Variants in SPSB1 observed in about 807,000 individuals in gnomAD.
The protein encoded by SPSB1 is SPRY domain-containing SOCS box protein 1.
SPSB1 carries 8 observed loss-of-function variants against 21.2 expected under a neutral mutation model. The ratio of observed to expected loss-of-function variants is 0.38; its 90% CI spans 0.22 to 0.68. The LOEUF (loss-of-function observed/expected upper bound fraction) is 0.68. SPSB1 is among the 30% of genes least tolerant of loss of function. The pLI, the probability that SPSB1 is intolerant of heterozygous loss-of-function variation, is 0.53. For missense variants in SPSB1, 242 were observed against 377.8 expected, an observed-to-expected ratio of 0.64 and a Z score of 2.98; for synonymous variants, 169 against 161.7, an observed-to-expected ratio of 1.05 and a Z score of -0.34.
rs747112283 is a variant in SPSB1, at chr1:9,356,674, A to G, written c.694+89A>G. On this transcript the variant is annotated intron_variant, in intron 2 of 2. Transcript: ENST00000328089. The surrounding 1 kb of genome is among the most constrained non-coding windows in gnomAD (Gnocchi z 7.4). ...TCAGGCCAAAAGTTGATTCATTGGA[A>G]CTAGAGTGTTTTGAAGACGATATTC... 212 of 1,501,748 alleles carry G rather than the reference A, an allele frequency of 1.4e-4. No homozygotes were observed. The highest frequency in any genetic ancestry group is 1.8e-4 in the Non-Finnish European group (199 of 1,129,226). The allele number at this position is 1,501,748 out of a possible 1,614,324, so 93.0% of individuals were successfully genotyped here. A position where few individuals can be genotyped will look rare whatever the true frequency, so the allele number is the denominator to read the frequency against.
At chr1:9,360,572 C>T (rs1425226252) in intron 2 of SPSB1, among the ~76,000 whole-genome samples, 1 of 152,160 alleles carries the variant, frequency 6.6e-6, no homozygotes, top group Non-Finnish European at 1.5e-5. Context: ...CCGCCCCATG[C>T]CTCCCCTCGC....
chr1:9,341,241 C>T (rs550941813), intron 1 of SPSB1, among the ~76,000 whole-genome samples: 1 of 152,368 alleles, frequency 6.6e-6, no homozygotes, highest in Non-Finnish European at 1.5e-5. Flanking sequence ...ACACACACCA[C>T]TCCCCACCAG....
intron 1 of SPSB1, among the ~76,000 whole-genome samples, chr1:9,329,704 C>CA (rs370850231): frequency 0.11 from 9,718 of 86,948 alleles, 497 homozygotes; most frequent in African/African-American, 0.16. Flanking sequence ...AAAACAACAA[C>CA]AAAAAAAAAA....
intron 2 of SPSB1, among the ~76,000 whole-genome samples, chr1:9,366,417 G>A (rs1433761690): frequency 6.6e-6 from 1 of 152,200 alleles, no homozygotes; most frequent in Non-Finnish European, 1.5e-5. Context: ...GGCCAGCCAG[G>A]CCTGTCACGT....
At chr1:9,313,285 A>C (rs980316594) in intron 1 of SPSB1, among the ~76,000 whole-genome samples, 3 of 152,152 alleles carry the variant, frequency 2.0e-5, no homozygotes, top group Non-Finnish European at 4.4e-5. Context: ...CTATAATCCC[A>C]GCTACTTGGG....
At chr1:9,328,941 C>T (rs894626463) in intron 1 of SPSB1, among the ~76,000 whole-genome samples, 2 of 152,196 alleles carry the variant, frequency 1.3e-5, no homozygotes, top group African/African-American at 2.4e-5. Flanking sequence ...CCAAATCTCC[C>T]AGGGTACGCT....
chr1:9,343,657 G>T (rs765400282), intron 1 of SPSB1, among the ~76,000 whole-genome samples: 6 of 152,190 alleles, frequency 3.9e-5, no homozygotes, highest in Non-Finnish European at 8.8e-5. Flanking sequence ...CCTCTTTCCT[G>T]AGTATGCCGA....
Position 9,305,565 on chromosome 1 carries a change from C to T in SPSB1, c.-150+12494C>T, listed in dbSNP as rs907682599. Among the ~76,000 whole-genome samples, 3 of 152,114 alleles carry T rather than the reference C, an allele frequency of 2.0e-5. No homozygotes were observed. The highest frequency in any genetic ancestry group is 6.5e-5 in the Admixed American group (1 of 15,276). On this transcript the variant is annotated intron_variant, in intron 1 of 2. Transcript: ENST00000328089. This position sits in a 1 kb window ranked among gnomAD's most constrained non-coding sequence, Gnocchi z 4.8. ...GATCCTAGCAGGGTCTGGGAGAGCT[C>T]GATGTGGGCCCAGGGTGTGGGTGCT... is the stretch of plus-strand genomic sequence containing the variant.
chr1:9,360,971 C>T (rs571689291), intron 2 of SPSB1, among the ~76,000 whole-genome samples: 2 of 152,040 alleles, frequency 1.3e-5, no homozygotes, highest in Non-Finnish European at 2.9e-5. Flanking sequence ...TCACCCCTAC[C>T]GATGCTGGGG....
intron 2 of SPSB1, among the ~76,000 whole-genome samples, chr1:9,361,156 C>CTTTTTTTTT (rs57871457): frequency 1.6e-4 from 16 of 102,576 alleles, no homozygotes; most frequent in African/African-American, 6.6e-4. Context: ...CTGTCATTTT[C>CTTTTTTTTT]TTTTTTTTTT....
At chr1:9,333,651 C>A (rs576742651) in intron 1 of SPSB1, among the ~76,000 whole-genome samples, 1 of 152,148 alleles carries the variant, frequency 6.6e-6, no homozygotes, top group Non-Finnish European at 1.5e-5. Context: ...CTTCCTGAAG[C>A]GCCTGCGGTG....
Position 9,345,993 on chromosome 1 carries a change from GC to G in SPSB1, c.-149-9746del, listed in dbSNP as rs776386365. Among the ~76,000 whole-genome samples, 3 of 152,214 alleles carry G rather than the reference GC, an allele frequency of 2.0e-5. No individual in the cohort carries two copies. The highest frequency in any genetic ancestry group is 1.3e-4 in the Admixed American group (2 of 15,282). The stretch of plus-strand genomic sequence containing the variant: ...CCATGGCCCAGCCAGCACGGAGCAT[GC>G]CCCGAGCCCTTCCACCACCAAGAGT... On this transcript the variant is annotated intron_variant, in intron 1 of 2. Transcript: ENST00000328089. The surrounding 1 kb of genome is among the most constrained non-coding windows in gnomAD (Gnocchi z 4.8).
chr1:9,309,311 T>C (rs1387966101), intron 1 of SPSB1, among the ~76,000 whole-genome samples: 1 of 136,404 alleles, frequency 7.3e-6, no homozygotes, highest in Non-Finnish European at 1.6e-5. Context: ...AGTGTGTGTG[T>C]GTGTGTGTGT....
chr1:9,307,039 C>T (rs1639425697), intron 1 of SPSB1, among the ~76,000 whole-genome samples: 1 of 151,850 alleles, frequency 6.6e-6, no homozygotes, highest in South Asian at 2.1e-4. Context: ...GTGATTCTCC[C>T]TCCTTAGCCT....
chr1:9,337,825 A>G (rs1254082359), intron 1 of SPSB1, among the ~76,000 whole-genome samples: 2 of 152,156 alleles, frequency 1.3e-5, no homozygotes, highest in African/African-American at 4.8e-5. Flanking sequence ...GGGACGCCCC[A>G]TGAAGCCAGG....
At chr1:9,340,997 A>AGCAACT (rs1349960382) in intron 1 of SPSB1, among the ~76,000 whole-genome samples, 1 of 152,192 alleles carries the variant, frequency 6.6e-6, no homozygotes, top group Non-Finnish European at 1.5e-5. Context: ...TGCTGGGACA[A>AGCAACT]GCAACTGCCT....
In SPSB1 at chr1:9,367,411, C is replaced by T. The variant is rs751446868; in HGVS notation, c.695-37C>T. 1 of 1,612,612 alleles carries T rather than the reference C, an allele frequency of 6.2e-7. No homozygotes were observed. The highest frequency in any genetic ancestry group is 2.2e-5 in the East Asian group (1 of 44,876). ...TAGCGCTGTTTGCTGAACACCCACCCAAGCTGCGCTGACCTGCAGTTTCTC... is the reference window on the plus strand; with the variant it reads ...TAGCGCTGTTTGCTGAACACCCACCTAAGCTGCGCTGACCTGCAGTTTCTC... On this transcript the variant is annotated intron_variant, in intron 2 of 2. Transcript: ENST00000328089. This position sits in a 1 kb window ranked among gnomAD's most constrained non-coding sequence, Gnocchi z 5.9.
chr1:9,334,528 C>A (rs987095350), intron 1 of SPSB1, among the ~76,000 whole-genome samples: 4 of 152,166 alleles, frequency 2.6e-5, no homozygotes, highest in African/African-American at 9.7e-5. Flanking sequence ...GCCAAATTTA[C>A]CATTTTAAAA....
rs555056421 is a variant in SPSB1, at chr1:9,345,011, A to G, written c.-149-10732A>G. 2.0e-5 allele frequency among the ~76,000 whole-genome samples: 3 copies of G among 152,334 alleles called. No individual in the cohort carries two copies. The highest frequency in any genetic ancestry group is 4.4e-5 in the Non-Finnish European group (3 of 68,036). On this transcript the variant is annotated intron_variant, in intron 1 of 2. Transcript: ENST00000328089. This position sits in a 1 kb window ranked among gnomAD's most constrained non-coding sequence, Gnocchi z 4.8. Reference sequence around the variant, plus strand: ...GGTTTGGTCGGATCCCCTATGTCCAAGAGACTGCCTTGTTGGGGGAAAGTG... The same window carrying G: ...GGTTTGGTCGGATCCCCTATGTCCAGGAGACTGCCTTGTTGGGGGAAAGTG...
Sources: gnomAD v4.1 joint callset for allele counts (sites outside exome capture counted in the v4.1 genomes callset) on GRCh38, gnomAD v4.1.1 for gene constraint, Gnocchi (gnomAD v3.1) non-coding constraint, MANE v1.5 for transcripts, NCBI Gene and HGNC (gene_info 2026-07-23, HGNC 2026-07-21) for gene names.